TAGLN3: variants seen among roughly 807,000 people sequenced by gnomAD.
TAGLN3 encodes the protein transgelin 3, also known as transgelin-3.
A neutral mutation model predicts 25.4 loss-of-function variants in TAGLN3; 12 were observed. That is an observed-to-expected ratio of 0.47 (90% CI 0.30 to 0.77). The LOEUF is 0.77. TAGLN3 is among the 30% of genes least tolerant of loss of function. The pLI is 0.06. For synonymous variants in TAGLN3, 96 were observed against 94.8 expected (o/e 1.01, Z -0.08); for missense variants, 218 against 255.8 (o/e 0.85, Z 1.01).
At chr3:112,000,279 G>T (rs1170754371) in intron 2 of TAGLN3, among the ~76,000 whole-genome samples, 2 of 152,104 alleles carry the variant, frequency 1.3e-5, no homozygotes, top group Non-Finnish European at 2.9e-5. Context: ...TGGGAAAAAG[G>T]TACCACATCC....
chr3:112,000,159 CTG>C (rs2072839723), intron 2 of TAGLN3, among the ~76,000 whole-genome samples: 1 of 152,188 alleles, frequency 6.6e-6, no homozygotes. Flanking sequence ...GCCGCAGGCT[CTG>C]TGATTCAAAC....
intron 3 of TAGLN3, among the ~76,000 whole-genome samples, chr3:112,001,897 T>C (rs1234732398): frequency 6.6e-6 from 1 of 152,242 alleles, no homozygotes; most frequent in African/African-American, 2.4e-5. Flanking sequence ...TTGAAATAGA[T>C]TTCTAGCAGA....
At chr3:111,999,693 G>A in intron 2 of TAGLN3, 91 bp downstream of exon 2, 2 of 1,489,426 alleles carry the variant, frequency 1.3e-6, no homozygotes, top group East Asian at 2.3e-5. Flanking sequence ...GGGAAGAGCT[G>A]CTGTTGCCAA....
intron 2 of TAGLN3, 38 bp downstream of exon 2, chr3:111,999,640 G>T (rs1278869161): frequency 1.9e-6 from 3 of 1,604,374 alleles, no homozygotes; most frequent in Non-Finnish European, 2.6e-6. Flanking sequence ...GGGGCGGTGG[G>T]CAGGGAAACC....
At chr3:112,011,153 G>A (rs1156410549) in intron 3 of TAGLN3, among the ~76,000 whole-genome samples, 2 of 152,206 alleles carry the variant, frequency 1.3e-5, no homozygotes, top group Non-Finnish European at 2.9e-5. Context: ...TCAACTGGAA[G>A]AGAAGAAAGG....
chr3:112,012,491 A>G (rs1016985785), intron 4 of TAGLN3, among the ~76,000 whole-genome samples: 1 of 150,626 alleles, frequency 6.6e-6, no homozygotes, highest in Non-Finnish European at 1.5e-5. Context: ...TTTTAAAATG[A>G]TTTTTTTTTC....
At chr3:112,010,991 C>T (rs2072969674) in intron 3 of TAGLN3, among the ~76,000 whole-genome samples, 2 of 152,220 alleles carry the variant, frequency 1.3e-5, no homozygotes, top group Non-Finnish European at 2.9e-5. Context: ...TTAACTTTCA[C>T]AGTTCCCCGC....
intron 3 of TAGLN3, among the ~76,000 whole-genome samples, chr3:112,005,506 G>T (rs1178755009): frequency 6.6e-6 from 1 of 152,010 alleles, no homozygotes; most frequent in Non-Finnish European, 1.5e-5. Context: ...GGGAGGTGTG[G>T]TTTACATTGG....
chr3:112,000,828 G>T lies in TAGLN3; in HGVS notation c.237G>T (p.Lys79Asn). The T allele has an allele frequency of 6.2e-7, 1 of 1,614,180 alleles. No homozygotes were observed. Among genetic ancestry groups the T allele is most frequent in the South Asian group, 1.1e-5 (1 of 91,080 alleles). Residue 79 changes from lysine (K) to asparagine (N), a missense_variant, in exon 3 of 5, where the codon AAG becomes AAT. Lys to Asn is a moderately conservative substitution (Grantham distance 94, BLOSUM62 0). Transcript: ENST00000478951. ...LYPPGQEPIP[K>N]ISESKMAFKQ... ...CACCAGGACAAGAGCCCATACCCAA[G>T]ATCTCAGAGTCAAAGATGGCTTTTA...
intron 4 of TAGLN3, among the ~76,000 whole-genome samples, 170 bp from the exon 5 acceptor site, chr3:112,013,240 T>A (rs1287054188): frequency 6.6e-6 from 1 of 150,774 alleles, no homozygotes; most frequent in Non-Finnish European, 1.5e-5. Flanking sequence ...AGGTCCACAG[T>A]GCAGGGTAGG....
At chr3:112,009,670 G>A (rs1039252054) in intron 3 of TAGLN3, among the ~76,000 whole-genome samples, 11 of 152,132 alleles carry the variant, frequency 7.2e-5, no homozygotes. Context: ...CACATGAGGA[G>A]GAATAATCCC....
intron 1 of TAGLN3, 33 bp downstream of exon 1, chr3:111,999,147 AT>A: frequency 2.9e-6 from 1 of 346,518 alleles, no homozygotes; most frequent in South Asian, 4.7e-5. Context: ...GGTCTCATTG[AT>A]AGGCGGGATA....
chr3:112,005,539 A>G (rs2072906670), intron 3 of TAGLN3, among the ~76,000 whole-genome samples: 1 of 152,024 alleles, frequency 6.6e-6, no homozygotes, highest in South Asian at 2.1e-4. Flanking sequence ...GTTCAAATAT[A>G]TTCTCTGGGA....
chr3:112,008,955 G>A (rs911863595), intron 3 of TAGLN3, among the ~76,000 whole-genome samples: 1 of 152,118 alleles, frequency 6.6e-6, no homozygotes, highest in Non-Finnish European at 1.5e-5. Flanking sequence ...TTCTGGCAAG[G>A]GCCTCAAGAA....
chr3:111,999,572 C>A lies in TAGLN3; in HGVS notation c.150C>A (p.Ala50=). The change falls in exon 2 of 5, where the codon GCC becomes GCA. Residue 50 remains alanine (A), a synonymous_variant. Coordinates refer to ENST00000478951, the MANE Select transcript of TAGLN3 (RefSeq NM_001008272.2). The stretch of plus-strand genomic sequence containing the variant: ...TAGAGCACCCGCCCCCCGGCAGGGC[C>A]CATTTTCAGAAATGGTTAATGGACG... ...EDIEHPPPGR[A]HFQKWLMDGT... is the part of the protein sequence containing the mutation. The A allele has an allele frequency of 6.2e-7, 1 of 1,614,126 alleles. No individual in the cohort carries two copies. Among genetic ancestry groups the A allele is most frequent in the African/African-American group, 1.3e-5 (1 of 75,050 alleles).
At chr3:112,000,525 A>T (rs1043228723) in intron 2 of TAGLN3, 1 of 387,626 alleles carries the variant, frequency 2.6e-6, no homozygotes, top group Non-Finnish European at 4.6e-6. Flanking sequence ...ACAGGGAGGG[A>T]ATGGCGCTCC....
chr3:112,013,782 C>T lies in TAGLN3; in HGVS notation c.*231C>T. 4 of 597,220 alleles carry T rather than the reference C, an allele frequency of 6.7e-6. No individual in the cohort carries two copies. The highest frequency in any genetic ancestry group is 1.2e-5 in the Non-Finnish European group (4 of 335,726). The allele number at this position is 597,220 out of a possible 1,614,324, so 37.0% of individuals were successfully genotyped here. ...TTCCGTTTTCCTGAGCTCCTCGGGCCCCAGAGTCTCTGTTTGATTATTTAT... is the reference window on the plus strand; with the variant it reads ...TTCCGTTTTCCTGAGCTCCTCGGGCTCCAGAGTCTCTGTTTGATTATTTAT... On this transcript the variant is annotated 3_prime_UTR_variant, in exon 5 of 5. Transcript: ENST00000478951.
rs145811794 is a variant in TAGLN3 at position 112,011,097 on chromosome 3, G to T, written c.356-666G>T. On this transcript the variant is annotated intron_variant, in intron 3 of 4. Coordinates refer to ENST00000478951, the MANE Select transcript of TAGLN3 (RefSeq NM_001008272.2). ...TGGACTTTTGGTCTGATTCTAAATTGCAGGCCACCCCCTCAGTAGCATCTT... is the reference window on the plus strand; with the variant it reads ...TGGACTTTTGGTCTGATTCTAAATTTCAGGCCACCCCCTCAGTAGCATCTT... Among the ~76,000 whole-genome samples the T allele has an allele frequency of 4.4e-3, 673 of 152,296 alleles. 1 individual carries two copies. Among genetic ancestry groups the T allele is most frequent in the Admixed American group, 0.01 (160 of 15,296 alleles).
intron 3 of TAGLN3, among the ~76,000 whole-genome samples, chr3:112,010,787 G>A (rs1022373478): frequency 1.3e-5 from 2 of 152,136 alleles, no homozygotes; most frequent in African/African-American, 4.8e-5. Context: ...TCTCCTCTTC[G>A]AATAAATGAA....
Sources: gnomAD v4.1 joint callset for allele counts (sites outside exome capture counted in the v4.1 genomes callset) on GRCh38, gnomAD v4.1.1 for gene constraint, MANE v1.5 for transcripts, NCBI Gene and HGNC (gene_info 2026-07-23, HGNC 2026-07-21) for gene names.